The following CMTM7 variants were observed in gnomAD, a reference collection of about 807,000 sequenced individuals.
CMTM7 encodes CKLF-like MARVEL transmembrane domain-containing protein 7.
A neutral mutation model predicts 19.3 loss-of-function variants in CMTM7; 7 were observed. The observed-to-expected ratio is 0.36, with a 90% CI of 0.21 to 0.68. The LOEUF (loss-of-function observed/expected upper bound fraction) is 0.68, where lower values mean the gene tolerates loss of function less well. CMTM7 is among the 30% of genes least tolerant of loss of function. The pLI is 0.60. For missense variants in CMTM7, 193 were observed against 232.6 expected (o/e 0.83, Z 1.11); for synonymous variants, 87 against 99.3 (o/e 0.88, Z 0.74).
chr3:32,423,014 C>A (rs1341480091), intron 1 of CMTM7, among the ~76,000 whole-genome samples: 2 of 152,176 alleles, frequency 1.3e-5, no homozygotes, highest in Admixed American at 1.3e-4. Flanking sequence ...GGCACAAAAC[C>A]TCAGTGGCAT....
intron 3 of CMTM7, chr3:32,452,121 CAGGCACTGA>C: frequency 6.9e-7 from 1 of 1,459,248 alleles, no homozygotes; most frequent in East Asian, 3.0e-5. Flanking sequence ...AAACCCAGAC[CAGGCACTGA>C]AGCTGCCAAG....
At chr3:32,404,686 A>C (rs1052766246) in intron 1 of CMTM7, among the ~76,000 whole-genome samples, 4 of 152,218 alleles carry the variant, frequency 2.6e-5, no homozygotes, top group African/African-American at 9.6e-5. Flanking sequence ...CCACCATGGT[A>C]TGCACACCTG....
At chr3:32,429,639 C>T (rs1354471843) in intron 1 of CMTM7, among the ~76,000 whole-genome samples, 17 of 145,452 alleles carry the variant, frequency 1.2e-4, no homozygotes, top group African/African-American at 4.4e-4. Flanking sequence ...CTCACTCTGT[C>T]GCCCAGGCTG....
rs1696801117 is a variant in CMTM7, at chr3:32,449,621, G to A, written c.432+69G>A. ...AAATGCTCATTTTCTTCCTGATGGG[G>A]GAAGAGAAGGGCTTGGTTTCTGGGG... On this transcript the variant is annotated intron_variant, in intron 3 of 4. Coordinates refer to ENST00000334983, the MANE Select transcript of CMTM7 (RefSeq NM_138410.4). This position sits in a 1 kb window ranked among gnomAD's most constrained non-coding sequence, Gnocchi z 4.5. 1.7e-6 allele frequency: 2 copies of A among 1,200,844 alleles called. No homozygotes were observed. Among genetic ancestry groups the A allele is most frequent in the African/African-American group, 3.0e-5 (2 of 66,696 alleles). The allele number at this position is 1,200,844 out of a possible 1,614,324, so 74.4% of individuals were successfully genotyped here.
chr3:32,398,800 A>G (rs1695956286), intron 1 of CMTM7, among the ~76,000 whole-genome samples: 1 of 152,012 alleles, frequency 6.6e-6, no homozygotes, highest in Non-Finnish European at 1.5e-5. Flanking sequence ...CCTGGGCAAC[A>G]TGGTGAAACC....
intron 1 of CMTM7, among the ~76,000 whole-genome samples, chr3:32,398,873 T>C (rs1206719247): frequency 6.6e-6 from 1 of 152,092 alleles, no homozygotes; most frequent in Non-Finnish European, 1.5e-5. Context: ...TAGTCCCAGC[T>C]ACTCGGGAGG....
At chr3:32,437,643 G>A (rs1376329504) in intron 1 of CMTM7, among the ~76,000 whole-genome samples, 5 of 151,620 alleles carry the variant, frequency 3.3e-5, no homozygotes, top group East Asian at 1.9e-4. Context: ...CTGTACTCTC[G>A]ACACTTTGGG....
Position 32,391,889 on chromosome 3 carries a change from G to T in CMTM7, c.-18G>T. 8.3e-7 allele frequency: 1 copy of T among 1,207,042 alleles called. No individual in the cohort carries two copies. 74.8% of individuals were successfully genotyped at this position (1,207,042 alleles called of 1,614,324 possible). ...GGGCAGCTGCCCGGGGAGGCGGCCA[G>T]CGAGCTGGGGCCGCGCAATGTCGCA... On this transcript the variant is annotated 5_prime_UTR_variant, in exon 1 of 5. Coordinates refer to ENST00000334983, the MANE Select transcript of CMTM7 (RefSeq NM_138410.4).
At chr3:32,411,961 A>C (rs2125625630) in intron 1 of CMTM7, among the ~76,000 whole-genome samples, 2 of 152,324 alleles carry the variant, frequency 1.3e-5, no homozygotes, top group South Asian at 4.1e-4. Context: ...AGAAGAGAAC[A>C]GTCTCTGCAA....
intron 1 of CMTM7, among the ~76,000 whole-genome samples, chr3:32,429,072 C>T (rs151242362): frequency 6.6e-6 from 1 of 152,218 alleles, no homozygotes; most frequent in African/African-American, 2.4e-5. Flanking sequence ...AACCAAAAAT[C>T]GTTGTCTACT....
chr3:32,430,712 T>A (rs1046983844), intron 1 of CMTM7, among the ~76,000 whole-genome samples: 91 of 151,386 alleles, frequency 6.0e-4, no homozygotes, highest in African/African-American at 2.2e-3. Flanking sequence ...TGTGTGTGTG[T>A]GTGACACAGC....
chr3:32,439,651 G>T (rs1696647186), intron 1 of CMTM7, among the ~76,000 whole-genome samples: 2 of 152,154 alleles, frequency 1.3e-5, no homozygotes, highest in Admixed American at 6.5e-5. Flanking sequence ...ACAGGGTCTT[G>T]CTTGTTGCCC....
rs1277464927 is a variant in CMTM7, at chr3:32,400,387, TTTC to T, written c.159+8334_159+8336del. ...TATTTTGTAAATGCTTTTCTTTTTTTTTCTTCTTCTTCTTTTTTTTTTTTTTTT... is the reference window on the plus strand; with the variant it reads ...TATTTTGTAAATGCTTTTCTTTTTTTTTCTTCTTCTTTTTTTTTTTTTTTT... On this transcript the variant is annotated intron_variant, in intron 1 of 4. Coordinates refer to ENST00000334983, the MANE Select transcript of CMTM7 (RefSeq NM_138410.4). Among the ~76,000 whole-genome samples the T allele has an allele frequency of 9.8e-4, 133 of 135,128 alleles. 1 individual carries two copies. Among genetic ancestry groups the T allele is most frequent in the African/African-American group, 3.5e-3 (124 of 35,780 alleles). The allele number at this position is 135,128 out of a possible 152,430, so 88.6% of individuals were successfully genotyped here.
intron 1 of CMTM7, among the ~76,000 whole-genome samples, chr3:32,399,607 T>C (rs948956427): frequency 6.6e-6 from 1 of 152,202 alleles, no homozygotes; most frequent in African/African-American, 2.4e-5. Context: ...TGAATAGACC[T>C]GTTAGCACAG....
At chr3:32,400,031 C>A (rs1695977625) in intron 1 of CMTM7, among the ~76,000 whole-genome samples, 1 of 151,994 alleles carries the variant, frequency 6.6e-6, no homozygotes, top group Admixed American at 6.5e-5. Context: ...GTTTGTTTTT[C>A]TTTTTTAATT....
rs535215088 is a variant in CMTM7 at position 32,444,069 on chromosome 3, GTTTA to G, written c.333+2064_333+2067del. The stretch of plus-strand genomic sequence containing the variant: ...CAAGTTTTTAATTTTGATAAATTTA[GTTTA>G]TTTATTTTTTTTCTTTTTTAGCTCA... On this transcript the variant is annotated intron_variant, in intron 2 of 4. Coordinates refer to ENST00000334983, the MANE Select transcript of CMTM7 (RefSeq NM_138410.4). Among the ~76,000 whole-genome samples, 87 of 152,146 alleles carry G rather than the reference GTTTA, an allele frequency of 5.7e-4. 1 individual carries two copies. The South Asian group carries it at 0.015, about 27-fold the overall frequency.
intron 1 of CMTM7, among the ~76,000 whole-genome samples, chr3:32,425,549 A>G (rs1696418881): frequency 6.6e-6 from 1 of 152,036 alleles, no homozygotes; most frequent in Non-Finnish European, 1.5e-5. Flanking sequence ...TCCCATTTGT[A>G]AATTAACATG....
At chr3:32,432,694 G>C (rs1398527058) in intron 1 of CMTM7, among the ~76,000 whole-genome samples, 3 of 152,232 alleles carry the variant, frequency 2.0e-5, no homozygotes, top group Non-Finnish European at 4.4e-5. Flanking sequence ...GTAAGCTTGT[G>C]AGGATAAGAT....
intron 1 of CMTM7, among the ~76,000 whole-genome samples, chr3:32,412,163 G>A (rs1302572736): frequency 2.6e-5 from 4 of 152,014 alleles, no homozygotes; most frequent in Admixed American, 6.6e-5. Flanking sequence ...TAATGATGCA[G>A]TGGGCATGTT....
Sources: gnomAD v4.1 joint callset for allele counts (sites outside exome capture counted in the v4.1 genomes callset) on GRCh38, gnomAD v4.1.1 for gene constraint, Gnocchi (gnomAD v3.1) non-coding constraint, MANE v1.5 for transcripts, NCBI Gene and HGNC (gene_info 2026-07-23, HGNC 2026-07-21) for gene names.